The following GALNTL6 variants were observed in gnomAD, a reference collection of about 807,000 sequenced individuals.
GALNTL6 encodes the protein polypeptide N-acetylgalactosaminyltransferase-like 6.
Under a neutral mutation model 73.7 loss-of-function variants are expected in GALNTL6, and 46 were observed. The observed-to-expected ratio is 0.62, with a 90% CI of 0.49 to 0.80. GALNTL6 has a LOEUF of 0.80. Among genes scored for constraint, GALNTL6 ranks in the 30% least tolerant of loss-of-function variants. The probability of loss-of-function intolerance (pLI) is 0.00; values close to 1 mark genes in which losing one functional copy is unlikely to be tolerated. For synonymous variants in GALNTL6, 259 were observed against 263.7 expected (o/e 0.98, Z 0.17); for missense variants, 604 against 755.0 (o/e 0.80, Z 2.34).
At chr4:171,888,863 G>A (rs1041812826) in intron 2 of GALNTL6, among the ~76,000 whole-genome samples, 4 of 152,008 alleles carry the variant, frequency 2.6e-5, no homozygotes, top group Non-Finnish European at 5.9e-5. Context: ...TTGGCTAGGA[G>A]TCTATTTGAA....
At chr4:171,877,474 T>C (rs1284312643) in intron 2 of GALNTL6, among the ~76,000 whole-genome samples, 1 of 152,202 alleles carries the variant, frequency 6.6e-6, no homozygotes, top group African/African-American at 2.4e-5. Flanking sequence ...ATGACAGGCC[T>C]TCATAGAAAG....
intron 2 of GALNTL6, among the ~76,000 whole-genome samples, chr4:171,934,634 T>C (rs1192088354): frequency 6.6e-6 from 1 of 152,096 alleles, no homozygotes; most frequent in Non-Finnish European, 1.5e-5. Context: ...CAGGCTGATC[T>C]TGAACTCCTG....
intron 2 of GALNTL6, among the ~76,000 whole-genome samples, chr4:171,977,047 G>C (rs550412369): frequency 3.9e-5 from 6 of 152,290 alleles, no homozygotes; most frequent in Non-Finnish European, 8.8e-5. Context: ...GCAGAAGCCG[G>C]CTGCATTTCC....
At chr4:172,542,821 A>G (rs1384182111) in intron 5 of GALNTL6, among the ~76,000 whole-genome samples, 2 of 152,034 alleles carry the variant, frequency 1.3e-5, no homozygotes, top group African/African-American at 2.4e-5. Context: ...GGCCGGGCGC[A>G]GTGGCTCACA....
chr4:172,836,039 G>T (rs909016425), intron 7 of GALNTL6, among the ~76,000 whole-genome samples: 1 of 152,102 alleles, frequency 6.6e-6, no homozygotes, highest in African/African-American at 2.4e-5. Flanking sequence ...AGGGGTATGG[G>T]GTCATCTCTG....
chr4:171,880,096 G>A lies in GALNTL6; in HGVS notation c.138+65378G>A, dbSNP rs567008557. Among the ~76,000 whole-genome samples, 3 of 152,168 alleles carry A rather than the reference G, an allele frequency of 2.0e-5. No homozygotes were observed. The East Asian group carries it at 5.8e-4, about 29-fold the overall frequency. On this transcript the variant is annotated intron_variant, in intron 2 of 12. Coordinates refer to ENST00000506823, the MANE Select transcript of GALNTL6 (RefSeq NM_001034845.3). ...AAATTGTGGATGCCATACATCTAAG[G>A]TAAAATTCTAAAAAGGAAAGTCTTC...
intron 11 of GALNTL6, among the ~76,000 whole-genome samples, chr4:173,010,804 A>C (rs1752517848): frequency 6.8e-6 from 1 of 146,498 alleles, no homozygotes; most frequent in African/African-American, 2.5e-5. Flanking sequence ...ACAGGGGTTC[A>C]CCATGTTGGC....
intron 2 of GALNTL6, among the ~76,000 whole-genome samples, chr4:171,871,572 G>T (rs373528939): frequency 2.0e-5 from 3 of 151,776 alleles, no homozygotes; most frequent in Non-Finnish European, 1.5e-5. Context: ...TATATTGCCC[G>T]CATCCTTGTA....
At chr4:172,598,862 A>T (rs925871382) in intron 5 of GALNTL6, among the ~76,000 whole-genome samples, 3 of 152,120 alleles carry the variant, frequency 2.0e-5, no homozygotes, top group Non-Finnish European at 4.4e-5. Context: ...CAACTATATC[A>T]TCAATATTTC....
At chr4:172,517,615 C>T (rs1205942745) in intron 5 of GALNTL6, among the ~76,000 whole-genome samples, 1 of 152,082 alleles carries the variant, frequency 6.6e-6, no homozygotes, top group African/African-American at 2.4e-5. Flanking sequence ...AACTCCTCTA[C>T]CTTTTAGTTT....
At chr4:172,016,578 A>G (rs1741201002) in intron 2 of GALNTL6, among the ~76,000 whole-genome samples, 1 of 151,972 alleles carries the variant, frequency 6.6e-6, no homozygotes. Context: ...GGCAATTCAG[A>G]GATTTATTCT....
chr4:172,083,806 T>C (rs1731950971), intron 2 of GALNTL6, among the ~76,000 whole-genome samples: 1 of 152,216 alleles, frequency 6.6e-6, no homozygotes, highest in South Asian at 2.1e-4. Flanking sequence ...CAGAAATTAC[T>C]GACTAATCTT....
intron 5 of GALNTL6, among the ~76,000 whole-genome samples, chr4:172,423,975 T>G (rs1404414930): frequency 1.3e-5 from 2 of 152,062 alleles, no homozygotes; most frequent in Non-Finnish European, 2.9e-5. Context: ...TGCCTCAGCT[T>G]TGTTGAGATA....
Position 172,886,765 on chromosome 4 carries a change from CA to C in GALNTL6, c.1041+3870del, listed in dbSNP as rs201913301. Among the ~76,000 whole-genome samples the C allele has an allele frequency of 7.8e-3, 1,118 of 142,510 alleles. 11 individuals are homozygous for C. Among genetic ancestry groups the C allele is most frequent in the African/African-American group, 0.025 (996 of 39,386 alleles). The allele number at this position is 142,510 out of a possible 152,430, so 93.5% of individuals were successfully genotyped here. On this transcript the variant is annotated intron_variant, in intron 8 of 12. Coordinates refer to ENST00000506823, the MANE Select transcript of GALNTL6 (RefSeq NM_001034845.3). ...GCAACAAGAGCAAAAAACTCCATCT[CA>C]AAAAAAAAAAATCAATTTTACAGTT...
At chr4:172,521,094 A>G (rs1734760740) in intron 5 of GALNTL6, among the ~76,000 whole-genome samples, 1 of 152,138 alleles carries the variant, frequency 6.6e-6, no homozygotes, top group African/African-American at 2.4e-5. Context: ...CAAGATAGAT[A>G]TTGCTAAAAA....
intron 2 of GALNTL6, among the ~76,000 whole-genome samples, chr4:172,057,727 A>AATT (rs1731069932): frequency 2.2e-5 from 1 of 46,136 alleles, no homozygotes; most frequent in Non-Finnish European, 4.0e-5. Context: ...AAAAAAAAAA[A>AATT]ATATATATAT....
intron 5 of GALNTL6, among the ~76,000 whole-genome samples, chr4:172,379,471 A>C (rs1264993087): frequency 7.1e-6 from 1 of 140,602 alleles, no homozygotes; most frequent in Non-Finnish European, 1.5e-5. Flanking sequence ...CGGAGCTTGC[A>C]GTGAGCCGAG....
At chr4:172,559,631 A>G (rs1035752289) in intron 5 of GALNTL6, among the ~76,000 whole-genome samples, 7 of 152,170 alleles carry the variant, frequency 4.6e-5, no homozygotes, top group African/African-American at 1.7e-4. Flanking sequence ...TTCACTTTGC[A>G]GTGTAGTATT....
At chr4:172,721,718 A>G (rs1735484093) in intron 5 of GALNTL6, among the ~76,000 whole-genome samples, 1 of 152,182 alleles carries the variant, frequency 6.6e-6, no homozygotes, top group South Asian at 2.1e-4. Flanking sequence ...CTGTGAGTAG[A>G]CAAACACATT....
Sources: allele counts gnomAD v4.1 joint callset (sites outside exome capture counted in the v4.1 genomes callset), GRCh38; gene constraint gnomAD v4.1.1; transcripts MANE v1.5; gene names NCBI Gene and HGNC (gene_info 2026-07-23, HGNC 2026-07-21).